Variants in CMIP observed in about 807,000 individuals in gnomAD.
CMIP encodes C-Maf-inducing protein.
In CMIP, 13 loss-of-function variants were observed where a neutral mutation model predicts 97.3. The observed-to-expected ratio is 0.13, with a 90% CI of 0.09 to 0.21. CMIP has a LOEUF of 0.21. Among genes scored for constraint, CMIP ranks in the 10% least tolerant of loss-of-function variants. The pLI is 1.00. For synonymous variants in CMIP, 538 were observed against 436.3 expected, an observed-to-expected ratio of 1.23 and a Z score of -2.91; for missense variants, 847 against 1,024.9, an observed-to-expected ratio of 0.83 and a Z score of 2.37.
In CMIP at chr16:81,701,808, C is replaced by T. The variant is rs375897973; in HGVS notation, c.1896+8C>T. The T allele has an allele frequency of 3.3e-4, 535 of 1,612,844 alleles. No homozygotes were observed. Among genetic ancestry groups the T allele is most frequent in the Non-Finnish European group, 4.2e-4 (496 of 1,179,820 alleles). ...CGGGAGCTGAAGGAGCTGGTGAGTC[C>T]CCGGCTGCTCCGGACCACTCCCCTG... is the stretch of plus-strand genomic sequence containing the variant. On this transcript the variant is annotated splice_region_variant and intron_variant, in intron 16 of 20. Transcript: ENST00000537098.
At chr16:81,458,748 A>G (rs1206392418) in intron 1 of CMIP, among the ~76,000 whole-genome samples, 3 of 152,304 alleles carry the variant, frequency 2.0e-5, no homozygotes, top group Admixed American at 2.0e-4. Context: ...CAGACATTTC[A>G]TATGAGGCCA....
chr16:81,451,972 A>T (rs1043440105), intron 1 of CMIP, among the ~76,000 whole-genome samples: 12 of 152,248 alleles, frequency 7.9e-5, no homozygotes, highest in Non-Finnish European at 1.3e-4. Context: ...AGCTTCGCTT[A>T]CATCAGCAGA....
intron 1 of CMIP, chr16:81,495,368 G>T (rs1398097263): frequency 6.6e-7 from 1 of 1,510,632 alleles, no homozygotes. Flanking sequence ...GATGGGCTGG[G>T]CGTGCATGGC....
intron 14 of CMIP, 133 bp downstream of exon 14, chr16:81,696,800 A>AGGTGGTGGTGGT: frequency 1.3e-6 from 1 of 749,306 alleles, no homozygotes; most frequent in South Asian, 1.9e-5. Flanking sequence ...CTGATCATGA[A>AGGTGGTGGTGGT]GGTGGTGGTG....
At chr16:81,460,022 C>T (rs1906807989) in intron 1 of CMIP, among the ~76,000 whole-genome samples, 2 of 152,184 alleles carry the variant, frequency 1.3e-5, no homozygotes, top group African/African-American at 2.4e-5. Context: ...CCTTTCCTTC[C>T]TGTTGTGTGA....
chr16:81,460,962 G>T (rs899122881), intron 1 of CMIP, among the ~76,000 whole-genome samples: 7 of 152,212 alleles, frequency 4.6e-5, no homozygotes, highest in Admixed American at 4.6e-4. Context: ...TTTCAATGAT[G>T]AAGGAAACTG....
chr16:81,559,428 A>C (rs1366553836), intron 1 of CMIP, among the ~76,000 whole-genome samples: 1 of 152,270 alleles, frequency 6.6e-6, no homozygotes, highest in Non-Finnish European at 1.5e-5. Flanking sequence ...CGACCACAGT[A>C]GTTAAAATCT....
chr16:81,591,654 C>G (rs1438138399), intron 1 of CMIP, among the ~76,000 whole-genome samples: 1 of 152,060 alleles, frequency 6.6e-6, no homozygotes, highest in Non-Finnish European at 1.5e-5. Context: ...GAGGTCAACA[C>G]TCCGGACCTT....
At chr16:81,575,706 C>A (rs951096232) in intron 1 of CMIP, among the ~76,000 whole-genome samples, 2 of 152,120 alleles carry the variant, frequency 1.3e-5, no homozygotes, top group African/African-American at 4.8e-5. Context: ...AGCATGTAAA[C>A]GTTGCGTGTT....
intron 3 of CMIP, among the ~76,000 whole-genome samples, chr16:81,633,493 G>A (rs1371784299): frequency 6.6e-6 from 1 of 152,264 alleles, no homozygotes; most frequent in Non-Finnish European, 1.5e-5. Context: ...TACCCAGCGG[G>A]ACAGCCGGCT....
intron 1 of CMIP, among the ~76,000 whole-genome samples, chr16:81,507,861 A>G (rs1208592261): frequency 6.6e-6 from 1 of 152,148 alleles, no homozygotes; most frequent in African/African-American, 2.4e-5. Flanking sequence ...TGAGGGTAGC[A>G]CTCAGTAGTA....
At chr16:81,674,994 T>G (rs2151049382) in intron 9 of CMIP, among the ~76,000 whole-genome samples, 1 of 152,062 alleles carries the variant, frequency 6.6e-6, no homozygotes, top group African/African-American at 2.4e-5. Flanking sequence ...AAGAAAAGGG[T>G]GCCCAGGACC....
In CMIP at chr16:81,700,167, G is replaced by A. The variant is rs72831123; in HGVS notation, c.1755+366G>A. On this transcript the variant is annotated intron_variant, in intron 15 of 20. Coordinates refer to ENST00000537098, the MANE Select transcript of CMIP (RefSeq NM_198390.3). ...GCACTTCTCACCTGGGGCCTCATCAGTCAGATGGGGCCAGGTTGGGTTAGC... is the reference window on the plus strand; with the variant it reads ...GCACTTCTCACCTGGGGCCTCATCAATCAGATGGGGCCAGGTTGGGTTAGC... 9.1e-3 allele frequency among the ~76,000 whole-genome samples: 1,393 copies of A among 152,280 alleles called. 5 individuals are homozygous for A. Among genetic ancestry groups the A allele is most frequent in the Non-Finnish European group, 0.013 (892 of 67,990 alleles).
intron 1 of CMIP, among the ~76,000 whole-genome samples, chr16:81,556,936 T>C (rs58072681): frequency 0.049 from 7,394 of 152,286 alleles, 240 homozygotes; most frequent in Middle Eastern, 0.092. Context: ...GGAGGCGCGA[T>C]GACTCAATGT....
At chr16:81,446,077 G>A (rs1048882282) in intron 1 of CMIP, among the ~76,000 whole-genome samples, 4 of 152,054 alleles carry the variant, frequency 2.6e-5, no homozygotes, top group African/African-American at 7.2e-5. Context: ...TCCTGCCAGG[G>A]CTGGCAGGCA....
At chr16:81,480,089 T>C (rs1483780505) in intron 1 of CMIP, among the ~76,000 whole-genome samples, 1 of 152,202 alleles carries the variant, frequency 6.6e-6, no homozygotes, top group Non-Finnish European at 1.5e-5. Context: ...GTCTGGGCCA[T>C]AGCCTTTTCC....
intron 1 of CMIP, among the ~76,000 whole-genome samples, chr16:81,583,845 T>C (rs1379226724): frequency 2.0e-5 from 3 of 152,156 alleles, no homozygotes; most frequent in Admixed American, 6.5e-5. Context: ...TCAAAGTCAC[T>C]GAGCAGAGGA....
intron 1 of CMIP, among the ~76,000 whole-genome samples, chr16:81,543,875 C>T (rs932920848): frequency 6.6e-6 from 1 of 152,232 alleles, no homozygotes; most frequent in Non-Finnish European, 1.5e-5. Flanking sequence ...ATTTCACCTT[C>T]TACTTTCTGT....
chr16:81,448,387 C>G (rs558260581), intron 1 of CMIP, among the ~76,000 whole-genome samples: 1 of 152,240 alleles, frequency 6.6e-6, no homozygotes, highest in Non-Finnish European at 1.5e-5. Context: ...GATTTAAGAC[C>G]GTGCTTCCAG....
Sources: allele counts gnomAD v4.1 joint callset (sites outside exome capture counted in the v4.1 genomes callset), GRCh38; gene constraint gnomAD v4.1.1; transcripts MANE v1.5; gene names NCBI Gene and HGNC (gene_info 2026-07-23, HGNC 2026-07-21).